GAB2: variants seen among roughly 807,000 people sequenced by gnomAD.
GAB2 encodes the protein GRB2-associated-binding protein 2.
GAB2 carries 26 observed loss-of-function variants against 65.5 expected under a neutral mutation model. The ratio of observed to expected loss-of-function variants is 0.40; its 90% CI spans 0.29 to 0.55. The LOEUF (loss-of-function observed/expected upper bound fraction) is 0.55, where lower values mean the gene tolerates loss of function less well. Ranked by LOEUF, GAB2 falls within the 20% of genes least tolerant of loss-of-function variation. GAB2 has a pLI of 0.53. For synonymous variants in GAB2, 321 were observed against 329.6 expected, an observed-to-expected ratio of 0.97 and a Z score of 0.28; for missense variants, 884 against 875.8, an observed-to-expected ratio of 1.01 and a Z score of -0.12.
chr11:78,369,255 T>G (rs1372240930), intron 1 of GAB2, among the ~76,000 whole-genome samples: 2 of 152,182 alleles, frequency 1.3e-5, no homozygotes, highest in East Asian at 1.9e-4. Context: ...CATTAGAAAC[T>G]TGGTCACCCT....
intron 1 of GAB2, among the ~76,000 whole-genome samples, chr11:78,378,584 A>G (rs756814189): frequency 1.3e-5 from 2 of 152,328 alleles, no homozygotes; most frequent in South Asian, 2.1e-4. Flanking sequence ...CCCTGACTGC[A>G]TATCTGTGAT....
chr11:78,245,320 G>T (rs999985233), intron 3 of GAB2, among the ~76,000 whole-genome samples: 7 of 146,462 alleles, frequency 4.8e-5, no homozygotes, highest in Non-Finnish European at 7.6e-5. Flanking sequence ...TACAATTTTT[G>T]AAAAGAAAAA....
intron 3 of GAB2, among the ~76,000 whole-genome samples, chr11:78,238,215 A>AC (rs1865036722): frequency 6.6e-6 from 1 of 151,298 alleles, no homozygotes; most frequent in African/African-American, 2.5e-5. Context: ...ACAAAAAAAA[A>AC]AAAAAAAAAA....
intron 2 of GAB2, 83 bp downstream of exon 2, chr11:78,280,518 G>T: frequency 8.9e-7 from 1 of 1,129,332 alleles, no homozygotes; most frequent in African/African-American, 1.5e-5. Flanking sequence ...GGAAACCTTA[G>T]CTAGAGCCTG....
rs761329480 is a variant in GAB2, at chr11:78,225,193, C to A, written c.1217G>T (p.Cys406Phe). Residue 406 changes from cysteine (C) to phenylalanine (F), a missense_variant, in exon 5 of 10, where the codon TGT becomes TTT. By Grantham distance (205) the Cys-to-Phe change is radical. Coordinates refer to ENST00000361507, the MANE Select transcript of GAB2 (RefSeq NM_080491.3). ...DNSRLHRASS[C>F]ETYEYPQRGG... ...ACGCTGTGGGTACTCGTAGGTCTCA[C>A]AGGAAGAAGCTGACAGAGGAAGGAG... is the stretch of plus-strand genomic sequence containing the variant. 2.5e-6 allele frequency: 4 copies of A among 1,608,506 alleles called. No homozygotes were observed. In the South Asian group the frequency reaches 3.3e-5, roughly 13 times the overall value.
At chr11:78,374,579 C>T (rs1426303030) in intron 1 of GAB2, among the ~76,000 whole-genome samples, 1 of 152,104 alleles carries the variant, frequency 6.6e-6, no homozygotes, top group Non-Finnish European at 1.5e-5. Context: ...CAAATATTTG[C>T]AGAATGTCTA....
chr11:78,227,225 G>C (rs1347023765), intron 3 of GAB2, among the ~76,000 whole-genome samples, 174 bp from the exon 4 acceptor site: 1 of 152,178 alleles, frequency 6.6e-6, no homozygotes, highest in East Asian at 1.9e-4. Context: ...AACAATGTTA[G>C]ACTTCATCCG....
intron 3 of GAB2, chr11:78,232,017 A>G (rs1452043015): frequency 6.6e-6 from 1 of 152,222 alleles, no homozygotes; most frequent in East Asian, 1.9e-4. Flanking sequence ...AGATGAGGCA[A>G]TCTTTGTATC....
At position 78,370,458 on chromosome 11, in the gene GAB2, G is replaced by C. The variant is rs572268735; in HGVS notation, c.75+47188C>G. Among the ~76,000 whole-genome samples, 13 of 152,240 alleles carry C rather than the reference G, an allele frequency of 8.5e-5. No homozygotes were observed. In the South Asian group the frequency reaches 1.9e-3, roughly 22 times the overall value. On this transcript the variant is annotated intron_variant, in intron 1 of 9. Transcript: ENST00000361507. ...CAGGGCAAGGGTCTGTGATGGGCAA[G>C]ATGTTTTTTATTGACTACTATTGTG...
intron 1 of GAB2, among the ~76,000 whole-genome samples, chr11:78,352,736 G>C (rs993012781): frequency 3.3e-5 from 5 of 152,134 alleles, no homozygotes; most frequent in African/African-American, 1.2e-4. Context: ...AAAACATAAG[G>C]GGTTTTCTGA....
Position 78,219,312 on chromosome 11 carries a change from A to G in GAB2, c.1991T>C (p.Val664Ala), listed in dbSNP as rs771169575. Residue 664 changes from valine to alanine, a missense_variant, in exon 10 of 10, where the codon GTG becomes GCG. Val to Ala is a moderately conservative substitution (Grantham distance 64). Coordinates refer to ENST00000361507, the MANE Select transcript of GAB2 (RefSeq NM_080491.3). ...CTTGGAAGGCTCTGAGGACTGCCGC[A>G]CGTCTGTCCACTCCTGCATGGTGTT... is the stretch of plus-strand genomic sequence containing the variant. ...LQNTMQEWTDVRQSSEPSKGA... is the reference protein window; with the variant it reads ...LQNTMQEWTDARQSSEPSKGA... 3 of 1,613,696 alleles carry G rather than the reference A, an allele frequency of 1.9e-6. No homozygotes were observed. In the African/African-American group the frequency reaches 4.0e-5, roughly 22 times the overall value.
chr11:78,224,036 C>T (rs1470073980), intron 5 of GAB2, among the ~76,000 whole-genome samples: 2 of 152,126 alleles, frequency 1.3e-5, no homozygotes, highest in Non-Finnish European at 2.9e-5. Flanking sequence ...GAGCCAAGAT[C>T]ATGCCACTGC....
intron 1 of GAB2, among the ~76,000 whole-genome samples, chr11:78,323,790 CTTTTTTT>C (rs749282969): frequency 1.8e-3 from 141 of 77,252 alleles, no homozygotes; most frequent in African/African-American, 5.4e-3. Context: ...CTGAATCTTT[CTTTTTTT>C]TTTTTTTTTT....
chr11:78,407,722 AAAAGAAAGAAAG>A (rs3054215), intron 1 of GAB2, among the ~76,000 whole-genome samples: 5 of 144,230 alleles, frequency 3.5e-5, no homozygotes, highest in African/African-American at 1.3e-4. Flanking sequence ...TTCCGTCCCA[AAAAGAAAGAAAG>A]AAAGAAAGAA....
intron 1 of GAB2, among the ~76,000 whole-genome samples, chr11:78,354,026 T>G (rs1299418560): frequency 1.3e-5 from 2 of 152,214 alleles, no homozygotes; most frequent in Non-Finnish European, 2.9e-5. Context: ...TCAGGGGATC[T>G]TACGTGATGT....
intron 1 of GAB2, among the ~76,000 whole-genome samples, chr11:78,343,625 T>C (rs934655441): frequency 9.8e-5 from 15 of 152,316 alleles, no homozygotes; most frequent in East Asian, 1.9e-4. Context: ...AAAGGCTGTA[T>C]GCGGCAGCCA....
At chr11:78,404,708 T>G (rs770523171) in intron 1 of GAB2, among the ~76,000 whole-genome samples, 4 of 152,150 alleles carry the variant, frequency 2.6e-5, no homozygotes, top group African/African-American at 4.8e-5. Context: ...CTAAAAAAAC[T>G]GAACTCATGG....
chr11:78,262,317 T>C (rs1027048312), intron 2 of GAB2, among the ~76,000 whole-genome samples: 10 of 152,180 alleles, frequency 6.6e-5, no homozygotes, highest in African/African-American at 2.4e-4. Context: ...GAGTTCTAAT[T>C]TGTAAAATTT....
chr11:78,412,775 T>C (rs1857145611), intron 1 of GAB2, among the ~76,000 whole-genome samples: 1 of 152,204 alleles, frequency 6.6e-6, no homozygotes, highest in South Asian at 2.1e-4. Flanking sequence ...CTAGATGACT[T>C]TGGGTAAGTT....
Sources: allele counts gnomAD v4.1 joint callset (sites outside exome capture counted in the v4.1 genomes callset), GRCh38; gene constraint gnomAD v4.1.1; transcripts MANE v1.5; gene names NCBI Gene and HGNC (gene_info 2026-07-23, HGNC 2026-07-21).